Variants in FNBP4 observed in about 807,000 individuals in gnomAD.
The protein encoded by FNBP4 is formin-binding protein 4.
FNBP4 carries 34 observed loss-of-function variants against 119.3 expected under a neutral mutation model. The observed-to-expected ratio is 0.28, with a 90% CI of 0.22 to 0.38. The LOEUF is 0.38. Ranked by LOEUF, FNBP4 falls within the 10% of genes least tolerant of loss-of-function variation. The pLI, the probability that FNBP4 is intolerant of heterozygous loss-of-function variation, is 1.00. For missense variants in FNBP4, 1,112 were observed against 1,228.9 expected (o/e 0.90, Z 1.42); for synonymous variants, 462 against 430.6 (o/e 1.07, Z -0.90).
intron 6 of FNBP4, among the ~76,000 whole-genome samples, chr11:47,749,086 C>T (rs1216344651): frequency 2.0e-5 from 3 of 147,670 alleles, no homozygotes; most frequent in South Asian, 2.2e-4. Flanking sequence ...GGTGAGACCA[C>T]GTCTCTCAAA....
intron 10 of FNBP4, among the ~76,000 whole-genome samples, chr11:47,733,226 T>C (rs923722113): frequency 2.6e-5 from 4 of 152,222 alleles, no homozygotes; most frequent in Non-Finnish European, 5.9e-5. Flanking sequence ...AGTAGTAGTT[T>C]TGTCTTCCCT....
chr11:47,729,961 T>C, intron 12 of FNBP4: 2 of 985,476 alleles, frequency 2.0e-6, no homozygotes, highest in Non-Finnish European at 2.4e-6. Flanking sequence ...CAACTAGTTC[T>C]GTTTTAATTA....
At position 47,746,407 on chromosome 11, in the gene FNBP4, A is replaced by G; in HGVS notation, c.907-13T>C. The G allele has an allele frequency of 1.3e-6, 2 of 1,568,644 alleles. No homozygotes were observed. Among genetic ancestry groups the G allele is most frequent in the Non-Finnish European group, 1.7e-6 (2 of 1,162,296 alleles). ...CTTCATTTACTTCCTATAAAGAACA[A>G]AATAATTTAGTCTCATTTAATTCTG... is the stretch of plus-strand genomic sequence containing the variant. On this transcript the variant is annotated splice_polypyrimidine_tract_variant and intron_variant, in intron 6 of 16. Transcript: ENST00000263773.
intron 12 of FNBP4, among the ~76,000 whole-genome samples, chr11:47,727,323 C>T (rs1008851469): frequency 1.5e-4 from 22 of 150,706 alleles, no homozygotes; most frequent in African/African-American, 5.4e-4. Flanking sequence ...AATCTTGGCT[C>T]ACCGCAACCT....
chr11:47,753,469 G>C (rs1285843263), intron 3 of FNBP4, among the ~76,000 whole-genome samples: 2 of 152,148 alleles, frequency 1.3e-5, no homozygotes, highest in Non-Finnish European at 2.9e-5. Context: ...AAATTAGCTG[G>C]ATGTGGTGGT....
intron 7 of FNBP4, among the ~76,000 whole-genome samples, chr11:47,744,667 G>A (rs911979149): frequency 6.6e-6 from 1 of 152,188 alleles, no homozygotes; most frequent in Non-Finnish European, 1.5e-5. Flanking sequence ...GGTATGCAAT[G>A]TGAAATAAGC....
chr11:47,746,412 AT>A lies in FNBP4; in HGVS notation c.907-19del. On this transcript the variant is annotated intron_variant, in intron 6 of 16. Coordinates refer to ENST00000263773, the MANE Select transcript of FNBP4 (RefSeq NM_015308.5). ...TTTACTTCCTATAAAGAACAAAATA[AT>A]TTAGTCTCATTTAATTCTGAAACAA... 7.1e-6 allele frequency: 11 copies of A among 1,547,080 alleles called. No individual in the cohort carries two copies. The highest frequency in any genetic ancestry group is 9.6e-6 in the Non-Finnish European group (11 of 1,148,382).
chr11:47,726,534 C>G (rs931302258), intron 12 of FNBP4: 1 of 149,422 alleles, frequency 6.7e-6, no homozygotes, highest in Non-Finnish European at 1.5e-5. Context: ...TTAACAACAT[C>G]ATTCCCACTG....
At chr11:47,724,366 C>T in intron 13 of FNBP4, 102 bp downstream of exon 13, 3 of 1,578,762 alleles carry the variant, frequency 1.9e-6, no homozygotes, top group East Asian at 2.2e-5. Flanking sequence ...TAGGCGTGAG[C>T]CACCGTGCCC....
At chr11:47,758,724 TG>T (rs1248169981) in intron 2 of FNBP4, among the ~76,000 whole-genome samples, 1 of 151,562 alleles carries the variant, frequency 6.6e-6, no homozygotes, top group Non-Finnish European at 1.5e-5. Flanking sequence ...CTGGCTGTGG[TG>T]GTGCGCGCCT....
chr11:47,742,982 CTTTG>C (rs1022245203), intron 8 of FNBP4, among the ~76,000 whole-genome samples: 9 of 150,782 alleles, frequency 6.0e-5, no homozygotes, highest in South Asian at 4.2e-4. Flanking sequence ...TTGTTTGGTT[CTTTG>C]TTTCTTTTTT....
intron 8 of FNBP4, among the ~76,000 whole-genome samples, chr11:47,741,360 G>A (rs2097581770): frequency 1.3e-5 from 2 of 151,672 alleles, no homozygotes; most frequent in African/African-American, 4.9e-5. Context: ...TTTAGAGACA[G>A]TGTCTTGCTA....
At chr11:47,721,489 G>T (rs1208249065) in intron 15 of FNBP4, among the ~76,000 whole-genome samples, 2 of 151,904 alleles carry the variant, frequency 1.3e-5, no homozygotes, top group Non-Finnish European at 2.9e-5. Flanking sequence ...TGTCGCCCCA[G>T]CTACTCAGGA....
chr11:47,734,107 T>C lies in FNBP4; in HGVS notation c.1604A>G (p.Asn535Ser). 1.3e-6 allele frequency: 2 copies of C among 1,586,806 alleles called. No individual in the cohort carries two copies. Among genetic ancestry groups the C allele is most frequent in the Admixed American group, 2.0e-5 (1 of 50,524 alleles). ...DLKFQIGELA[N>S]TLTSKFEFLG... Reference sequence around the variant, plus strand: ...AAACTCGAATTTACTTGTCAGGGTATTTGCCAGTTCTCCAATCTGAAACTA... The same window carrying C: ...AAACTCGAATTTACTTGTCAGGGTACTTGCCAGTTCTCCAATCTGAAACTA... Residue 535 changes from asparagine to serine, a missense_variant, in exon 10 of 17, where the codon AAT (asparagine) becomes AGT (serine). Asn to Ser is a conservative substitution (Grantham distance 46). Transcript: ENST00000263773.
At chr11:47,755,822 C>T (rs1254402674) in intron 2 of FNBP4, among the ~76,000 whole-genome samples, 1 of 151,462 alleles carries the variant, frequency 6.6e-6, no homozygotes, top group Non-Finnish European at 1.5e-5. Flanking sequence ...CAAAAAAAAT[C>T]GAGAACAAGA....
Position 47,724,596 on chromosome 11 carries a change from G to A in FNBP4, c.2191C>T (p.Pro731Ser), listed in dbSNP as rs1478417017. The A allele has an allele frequency of 1.2e-6, 2 of 1,614,080 alleles. No homozygotes were observed. The highest frequency in any genetic ancestry group is 1.7e-6 in the Non-Finnish European group (2 of 1,180,008). Reference sequence around the variant, plus strand: ...TCCTGGATCTCACCATCTTCCGCAGGAGGAGGTGGTGGAGGAGGGGGTGGA... The same window carrying A: ...TCCTGGATCTCACCATCTTCCGCAGAAGGAGGTGGTGGAGGAGGGGGTGGA... ...SPPPPPPPPP[P>S]AEDGEIQEVE... The change falls in exon 13 of 17, where the codon CCT becomes TCT. Residue 731 changes from proline (P) to serine (S), a missense_variant. Transcript: ENST00000263773.
chr11:47,721,820 A>G (rs2097555938), intron 15 of FNBP4, among the ~76,000 whole-genome samples: 1 of 151,194 alleles, frequency 6.6e-6, no homozygotes, highest in African/African-American at 2.4e-5. Flanking sequence ...TCCCTACCCT[A>G]TGCAATTCAA....
In FNBP4 at chr11:47,724,523, G is replaced by A. The variant is rs1264329037; in HGVS notation, c.2264C>T (p.Thr755Ile). The change falls in exon 13 of 17, where the codon ACA becomes ATA. Residue 755 changes from threonine to isoleucine, a missense_variant. Coordinates refer to ENST00000263773, the MANE Select transcript of FNBP4 (RefSeq NM_015308.5). Reference protein sequence around the residue: ...EGSEEPPAPGTEEDTPLKPSA... With the variant: ...EGSEEPPAPGIEEDTPLKPSA... The stretch of plus-strand genomic sequence containing the variant: ...AGGTTTCAAAGGGGTATCTTCCTCT[G>A]TTCCTGGGGCAGGGGGCTCCTCACT... 6.2e-7 allele frequency: 1 copy of A among 1,614,176 alleles called. No individual in the cohort carries two copies. The highest frequency in any genetic ancestry group is 2.2e-5 in the East Asian group (1 of 44,886).
At chr11:47,718,492 G>A (rs2097552004) in intron 16 of FNBP4, among the ~76,000 whole-genome samples, 1 of 152,170 alleles carries the variant, frequency 6.6e-6, no homozygotes, top group Admixed American at 6.5e-5. Flanking sequence ...GATTACAGAT[G>A]TGAGCCCCTG....
Sources: allele counts gnomAD v4.1 joint callset (sites outside exome capture counted in the v4.1 genomes callset), GRCh38; gene constraint gnomAD v4.1.1; transcripts MANE v1.5; gene names NCBI Gene and HGNC (gene_info 2026-07-23, HGNC 2026-07-21).